Variants in TNNI3K observed in about 807,000 individuals in gnomAD.
TNNI3K encodes TNNI3 interacting kinase.
A neutral mutation model predicts 114.5 loss-of-function variants in TNNI3K; 140 were observed. The observed-to-expected ratio is 1.22, with a 90% CI of 1.07 to 1.41. TNNI3K has a LOEUF of 1.41. Ranked by LOEUF, TNNI3K falls within the 40% of genes most tolerant of loss-of-function variation. The pLI, the probability that TNNI3K is intolerant of heterozygous loss-of-function variation, is 0.00. For synonymous variants in TNNI3K, 347 were observed against 347.5 expected, an observed-to-expected ratio of 1.00 and a Z score of 0.02; for missense variants, 1,125 against 1,007.6, an observed-to-expected ratio of 1.12 and a Z score of -1.58.
intron 5 of TNNI3K, among the ~76,000 whole-genome samples, chr1:74,324,486 G>A (rs764948997): frequency 1.5e-4 from 23 of 152,278 alleles, no homozygotes; most frequent in Non-Finnish European, 1.9e-4. Context: ...TTTCTGCGGC[G>A]GGAAGGAATT....
intron 21 of TNNI3K, chr1:74,480,604 G>T (rs1246049000): frequency 2.8e-6 from 2 of 717,098 alleles, no homozygotes; most frequent in African/African-American, 1.7e-5. Flanking sequence ...TCGTGCCTCC[G>T]AAAGAACTGT....
intron 11 of TNNI3K, among the ~76,000 whole-genome samples, chr1:74,366,065 G>A (rs1662253700): frequency 6.6e-6 from 1 of 151,420 alleles, no homozygotes; most frequent in South Asian, 2.1e-4. Context: ...TTCATTTAAA[G>A]TTTTTGCGGA....
intron 20 of TNNI3K, among the ~76,000 whole-genome samples, chr1:74,458,017 T>G (rs1667298283): frequency 6.6e-6 from 1 of 152,210 alleles, no homozygotes. Context: ...ATGTTTTTTA[T>G]ATCTAGCTCT....
chr1:74,252,225 G>A (rs1261154494), intron 4 of TNNI3K, among the ~76,000 whole-genome samples: 2 of 152,080 alleles, frequency 1.3e-5, no homozygotes, highest in South Asian at 2.1e-4. Context: ...TTCAACCTCT[G>A]TTTATAATAA....
chr1:74,348,410 A>G (rs1272718599), intron 9 of TNNI3K, among the ~76,000 whole-genome samples: 2 of 152,190 alleles, frequency 1.3e-5, no homozygotes, highest in Non-Finnish European at 2.9e-5. Context: ...GCCTTGTAGT[A>G]TAGTTTGAAG....
chr1:74,432,789 A>G (rs1665956969), intron 17 of TNNI3K, among the ~76,000 whole-genome samples: 1 of 152,008 alleles, frequency 6.6e-6, no homozygotes, highest in African/African-American at 2.4e-5. Context: ...TTCTTTCCAG[A>G]CATCTAATTA....
chr1:74,513,331 T>A (rs1308732009), intron 23 of TNNI3K, among the ~76,000 whole-genome samples: 6 of 152,224 alleles, frequency 3.9e-5, no homozygotes, highest in African/African-American at 1.4e-4. Flanking sequence ...CTAGGTGTTC[T>A]TATCAGAGTG....
chr1:74,469,485 T>C (rs536820524), intron 21 of TNNI3K: 4 of 156,498 alleles, frequency 2.6e-5, no homozygotes, highest in Non-Finnish European at 5.6e-5. Context: ...GTAATACCAC[T>C]AATTGAGATA....
intron 4 of TNNI3K, among the ~76,000 whole-genome samples, chr1:74,267,110 C>T (rs1656042162): frequency 6.6e-6 from 1 of 151,958 alleles, no homozygotes; most frequent in Non-Finnish European, 1.5e-5. Context: ...TTCCACAAGA[C>T]TCTTTTCTAA....
Position 74,354,124 on chromosome 1 carries a change from A to T in TNNI3K, c.1172A>T (p.Glu391Val). ...DEQTCLMWAY[E>V]KGHDAIVTLL... ...CAGACATGTTTGATGTGGGCTTATGAAAAAGGTATATTTTTAATCATCGTG... is the reference window on the plus strand; with the variant it reads ...CAGACATGTTTGATGTGGGCTTATGTAAAAGGTATATTTTTAATCATCGTG... Residue 391 changes from glutamate to valine, a missense_variant, in exon 11 of 25, where the codon GAA (glutamate) becomes GTA (valine). Coordinates refer to ENST00000326637, the MANE Select transcript of TNNI3K (RefSeq NM_015978.3). 6.2e-7 allele frequency: 1 copy of T among 1,614,010 alleles called. No individual in the cohort carries two copies. Among genetic ancestry groups the T allele is most frequent in the African/African-American group, 1.3e-5 (1 of 75,018 alleles).
chr1:74,391,112 A>G (rs145865241), intron 17 of TNNI3K, among the ~76,000 whole-genome samples: 241 of 152,282 alleles, frequency 1.6e-3, no homozygotes, highest in African/African-American at 5.6e-3. Flanking sequence ...ATGATAATAC[A>G]CCATTGAGAT....
intron 23 of TNNI3K, among the ~76,000 whole-genome samples, chr1:74,529,885 C>T (rs955517892): frequency 1.3e-5 from 2 of 152,126 alleles, no homozygotes; most frequent in Non-Finnish European, 2.9e-5. Flanking sequence ...AGGGCTTGTT[C>T]TTCATTTTCT....
chr1:74,412,426 T>A (rs2100614917), intron 17 of TNNI3K, among the ~76,000 whole-genome samples: 1 of 152,128 alleles, frequency 6.6e-6, no homozygotes, highest in African/African-American at 2.4e-5. Context: ...TTCATAGGAA[T>A]TTGCCCTCTG....
chr1:74,489,564 T>A (rs989764770), intron 22 of TNNI3K, among the ~76,000 whole-genome samples: 2 of 152,252 alleles, frequency 1.3e-5, no homozygotes, highest in Non-Finnish European at 2.9e-5. Flanking sequence ...AATTATTTAA[T>A]CAATTTTTAT....
intron 17 of TNNI3K, among the ~76,000 whole-genome samples, chr1:74,426,585 C>T (rs998166697): frequency 1.3e-5 from 2 of 152,016 alleles, no homozygotes; most frequent in African/African-American, 4.8e-5. Context: ...CTATCTTACT[C>T]GTCTTTCGTA....
At chr1:74,339,761 C>A (rs1041260475) in intron 7 of TNNI3K, among the ~76,000 whole-genome samples, 11 of 151,456 alleles carry the variant, frequency 7.3e-5, no homozygotes, top group South Asian at 2.1e-4. Flanking sequence ...ATATAATGCC[C>A]CCTAAATGAG....
At chr1:74,308,454 T>C (rs1658782391) in intron 5 of TNNI3K, among the ~76,000 whole-genome samples, 1 of 152,084 alleles carries the variant, frequency 6.6e-6, no homozygotes, top group Non-Finnish European at 1.5e-5. Context: ...AAAAAATTAT[T>C]TGAAACAATG....
At chr1:74,297,283 G>C (rs1658045834) in intron 5 of TNNI3K, among the ~76,000 whole-genome samples, 1 of 152,110 alleles carries the variant, frequency 6.6e-6, no homozygotes, top group African/African-American at 2.4e-5. Context: ...TGTGTTATGG[G>C]CTGAACACTG....
chr1:74,350,531 T>C (rs1661281488), intron 9 of TNNI3K, among the ~76,000 whole-genome samples: 1 of 152,158 alleles, frequency 6.6e-6, no homozygotes, highest in Admixed American at 6.5e-5. Flanking sequence ...CTTGTTAACT[T>C]TCTGTCTCGT....
Sources: allele counts gnomAD v4.1 joint callset (sites outside exome capture counted in the v4.1 genomes callset), GRCh38; gene constraint gnomAD v4.1.1; transcripts MANE v1.5; gene names NCBI Gene and HGNC (gene_info 2026-07-23, HGNC 2026-07-21).